Variants in PAIP2B observed in about 807,000 individuals in gnomAD.
PAIP2B encodes polyadenylate-binding protein-interacting protein 2B.
In PAIP2B, 13 loss-of-function variants were observed where a neutral mutation model predicts 17.0. That is an observed-to-expected ratio of 0.76 (90% CI 0.50 to 1.22). The LOEUF (loss-of-function observed/expected upper bound fraction) is 1.22. PAIP2B is among the 50% of genes most tolerant of loss of function. The pLI is 0.00. For missense variants in PAIP2B, 117 were observed against 144.5 expected, an observed-to-expected ratio of 0.81 and a Z score of 0.98; for synonymous variants, 43 against 48.7, an observed-to-expected ratio of 0.88 and a Z score of 0.48.
At chr2:71,189,004 CT>C (rs56008115) in intron 3 of PAIP2B, among the ~76,000 whole-genome samples, 23,025 of 122,082 alleles carry the variant, frequency 0.19, 1,435 homozygotes, top group African/African-American at 0.23. Flanking sequence ...TGCTCACAGA[CT>C]TTTTTTTTTT....
intron 1 of PAIP2B, among the ~76,000 whole-genome samples, chr2:71,223,441 CTT>C (rs112382318): frequency 1.2e-4 from 17 of 138,342 alleles, no homozygotes; most frequent in Admixed American, 2.2e-4. Context: ...AAAACACAGA[CTT>C]TTTTTTTTTT....
intron 3 of PAIP2B, 102 bp downstream of exon 3, chr2:71,189,743 C>G: frequency 3.4e-6 from 4 of 1,162,844 alleles, no homozygotes; most frequent in South Asian, 3.4e-5. Flanking sequence ...GCTCACAGGG[C>G]TCCAGACTTG....
chr2:71,225,817 T>C (rs1675706671), intron 1 of PAIP2B, among the ~76,000 whole-genome samples: 1 of 152,218 alleles, frequency 6.6e-6, no homozygotes, highest in Non-Finnish European at 1.5e-5. Flanking sequence ...ACGAATATAC[T>C]ATGAAGGTGA....
At position 71,184,345 on chromosome 2, in the gene PAIP2B, T is replaced by C. The variant is rs1241690506; in HGVS notation, c.*4134A>G. On this transcript the variant is annotated 3_prime_UTR_variant, in exon 4 of 4. Transcript: ENST00000244221. ...GGTGAATCTCCTGCCTGACACCTTG[T>C]AGAGATTAGTGTATCCAGCTATTCT... is the stretch of plus-strand genomic sequence containing the variant. 2.0e-5 allele frequency: 3 copies of C among 152,134 alleles called. No individual in the cohort carries two copies. The highest frequency in any genetic ancestry group is 4.4e-5 in the Non-Finnish European group (3 of 68,030). 9.4% of individuals were successfully genotyped at this position (152,134 alleles called of 1,614,324 possible).
chr2:71,211,478 G>A (rs1331383852), intron 1 of PAIP2B, among the ~76,000 whole-genome samples: 2 of 151,370 alleles, frequency 1.3e-5, no homozygotes, highest in Admixed American at 6.6e-5. Context: ...AAAGACTTAA[G>A]AACAATTCCT....
At chr2:71,208,908 A>G (rs1277658276) in intron 1 of PAIP2B, among the ~76,000 whole-genome samples, 1 of 152,188 alleles carries the variant, frequency 6.6e-6, no homozygotes, top group Non-Finnish European at 1.5e-5. Context: ...CCAGAAGGAA[A>G]GTGGCCCTCC....
intron 1 of PAIP2B, among the ~76,000 whole-genome samples, chr2:71,207,810 C>A (rs1477234365): frequency 6.6e-6 from 1 of 152,104 alleles, no homozygotes; most frequent in South Asian, 2.1e-4. Flanking sequence ...TAATGTCATT[C>A]ACTGAGCTAA....
chr2:71,208,937 C>T (rs1358216782), intron 1 of PAIP2B, among the ~76,000 whole-genome samples: 2 of 152,186 alleles, frequency 1.3e-5, no homozygotes, highest in African/African-American at 2.4e-5. Context: ...TGACTTTGGA[C>T]TTCTGGCCTC....
At chr2:71,203,503 T>C (rs535599464) in intron 1 of PAIP2B, among the ~76,000 whole-genome samples, 2 of 152,198 alleles carry the variant, frequency 1.3e-5, no homozygotes, top group Non-Finnish European at 2.9e-5. Context: ...CCAACATTCA[T>C]GAGTACTATC....
intron 1 of PAIP2B, among the ~76,000 whole-genome samples, chr2:71,226,484 G>C (rs892594287): frequency 3.9e-5 from 6 of 152,192 alleles, no homozygotes; most frequent in African/African-American, 1.4e-4. Flanking sequence ...AATAGGGGAA[G>C]GGCACGACGC....
At chr2:71,193,678 C>T (rs141697921) in intron 2 of PAIP2B, among the ~76,000 whole-genome samples, 91 of 152,050 alleles carry the variant, frequency 6.0e-4, no homozygotes, top group Non-Finnish European at 1.0e-3. Context: ...ACGGTGAAAC[C>T]CCTTCTCTGC....
intron 1 of PAIP2B, among the ~76,000 whole-genome samples, chr2:71,221,135 T>C (rs942566987): frequency 1.5e-4 from 23 of 152,256 alleles, no homozygotes; most frequent in Admixed American, 7.9e-4. Context: ...AAAACTTCCA[T>C]CCATTACTGA....
chr2:71,202,872 G>A (rs1356282744), intron 1 of PAIP2B, among the ~76,000 whole-genome samples: 1 of 152,078 alleles, frequency 6.6e-6, no homozygotes. Flanking sequence ...GACAGGGGTG[G>A]GAGGGGTAGG....
At chr2:71,213,215 C>T (rs1201526140) in intron 1 of PAIP2B, among the ~76,000 whole-genome samples, 1 of 152,066 alleles carries the variant, frequency 6.6e-6, no homozygotes, top group Non-Finnish European at 1.5e-5. Flanking sequence ...GAAATTCATA[C>T]AGTGAATCCC....
chr2:71,200,173 T>C (rs1333502809), intron 2 of PAIP2B, among the ~76,000 whole-genome samples: 1 of 152,224 alleles, frequency 6.6e-6, no homozygotes, highest in Non-Finnish European at 1.5e-5. Flanking sequence ...TCAGGGTTGC[T>C]AGCTAGAAAC....
At chr2:71,194,488 T>TGTGG (rs1418148970) in intron 2 of PAIP2B, among the ~76,000 whole-genome samples, 1 of 135,400 alleles carries the variant, frequency 7.4e-6, no homozygotes, top group Non-Finnish European at 1.6e-5. Context: ...TGTGTGTGTG[T>TGTGG]GTGTGGCAAC....
intron 1 of PAIP2B, among the ~76,000 whole-genome samples, chr2:71,205,438 T>C (rs982654429): frequency 2.6e-5 from 4 of 152,196 alleles, no homozygotes; most frequent in African/African-American, 9.7e-5. Context: ...CAACATTGTT[T>C]TGTGGGCCTA....
intron 2 of PAIP2B, among the ~76,000 whole-genome samples, chr2:71,194,882 A>G (rs897756132): frequency 6.6e-6 from 1 of 152,120 alleles, no homozygotes. Context: ...GATGACTCTT[A>G]TTATTTTGAG....
chr2:71,222,842 A>C (rs2103832572), intron 1 of PAIP2B, among the ~76,000 whole-genome samples: 1 of 152,362 alleles, frequency 6.6e-6, no homozygotes, highest in South Asian at 2.1e-4. Context: ...AAGTGGCCTC[A>C]AAATCAACAA....
Sources: allele counts gnomAD v4.1 joint callset (sites outside exome capture counted in the v4.1 genomes callset), GRCh38; gene constraint gnomAD v4.1.1; transcripts MANE v1.5; gene names NCBI Gene and HGNC (gene_info 2026-07-23, HGNC 2026-07-21).